Variants in SLC24A2 observed in about 807,000 individuals in gnomAD.
SLC24A2 encodes the protein solute carrier family 24 member 2.
In SLC24A2, 36 loss-of-function variants were observed where a neutral mutation model predicts 62.0. That is an observed-to-expected ratio of 0.58 (90% CI 0.44 to 0.77). SLC24A2 has a LOEUF of 0.77. SLC24A2 is among the 30% of genes least tolerant of loss of function. The pLI is 0.00. For synonymous variants in SLC24A2, 358 were observed against 294.0 expected (o/e 1.22, Z -2.23); for missense variants, 846 against 817.9 (o/e 1.03, Z -0.42).
the SLC24A2 span, among the ~76,000 whole-genome samples, chr9:19,979,219 C>T: frequency 1.3e-5 from 2 of 152,164 alleles, no homozygotes; most frequent in African/African-American, 4.8e-5. Context: ...CTTTCATGTG[C>T]ATATACATCA....
intron 10 of SLC24A2, among the ~76,000 whole-genome samples, chr9:19,517,951 A>ACACACACT (rs1209460607): frequency 6.8e-6 from 1 of 147,184 alleles, no homozygotes; most frequent in African/African-American, 2.6e-5. Context: ...ACACACACAC[A>ACACACACT]CACACACTCT....
At chr9:20,206,307 A>T in the SLC24A2 span, among the ~76,000 whole-genome samples, 1 of 152,236 alleles carries the variant, frequency 6.6e-6, no homozygotes, top group Admixed American at 6.5e-5. Context: ...AGAGCATATT[A>T]CAGGAGAGTG....
At chr9:20,094,439 T>G in the SLC24A2 span, among the ~76,000 whole-genome samples, 2 of 152,222 alleles carry the variant, frequency 1.3e-5, no homozygotes, top group Non-Finnish European at 1.5e-5. Flanking sequence ...CGATAAAATT[T>G]AAGCTCCCAT....
intron 2 of SLC24A2, among the ~76,000 whole-genome samples, chr9:19,681,031 C>A (rs1195595829): frequency 6.6e-6 from 1 of 152,044 alleles, no homozygotes; most frequent in Admixed American, 6.6e-5. Context: ...CAGAGTGACC[C>A]TGCACAAAAT....
chr9:20,296,409 G>A, the SLC24A2 span, among the ~76,000 whole-genome samples: 2 of 152,150 alleles, frequency 1.3e-5, no homozygotes, highest in South Asian at 4.1e-4. Context: ...AAGACTTTTA[G>A]AGAGCTCTAA....
At chr9:20,125,450 T>A in the SLC24A2 span, among the ~76,000 whole-genome samples, 2 of 152,190 alleles carry the variant, frequency 1.3e-5, no homozygotes, top group African/African-American at 4.8e-5. Flanking sequence ...AGTCTTATAG[T>A]CAGTAAATAC....
chr9:19,784,955 C>T (rs1387303461), intron 2 of SLC24A2, among the ~76,000 whole-genome samples: 1 of 151,396 alleles, frequency 6.6e-6, no homozygotes, highest in Non-Finnish European at 1.5e-5. Context: ...AATCTTTCAC[C>T]CCCTGCTCAA....
the SLC24A2 span, among the ~76,000 whole-genome samples, chr9:19,970,762 A>G: frequency 1.8e-4 from 28 of 152,304 alleles, no homozygotes; most frequent in African/African-American, 6.7e-4. Context: ...TTAGTAGGAG[A>G]AAAAAAGTAT....
chr9:19,857,962 A>G, the SLC24A2 span, among the ~76,000 whole-genome samples: 1 of 152,196 alleles, frequency 6.6e-6, no homozygotes, highest in Non-Finnish European at 1.5e-5. Flanking sequence ...TATTCCTATC[A>G]AACTACTAAT....
At chr9:19,516,703 T>C (rs1832945346) in intron 10 of SLC24A2, among the ~76,000 whole-genome samples, 1 of 152,226 alleles carries the variant, frequency 6.6e-6, no homozygotes. Context: ...GAAATTATTT[T>C]GTTTCCTTCC....
the SLC24A2 span, among the ~76,000 whole-genome samples, chr9:20,085,486 C>A: frequency 6.6e-6 from 1 of 152,288 alleles, no homozygotes; most frequent in East Asian, 1.9e-4. Flanking sequence ...CTCAATTGTT[C>A]ATTATTTCTA....
intron 8 of SLC24A2, among the ~76,000 whole-genome samples, chr9:19,547,194 C>A (rs73426210): frequency 0.089 from 13,566 of 152,148 alleles, 1,942 homozygotes; most frequent in African/African-American, 0.31. Flanking sequence ...AGTGTTCTTC[C>A]TAAGAGTCTT....
chr9:20,028,295 CCT>C, the SLC24A2 span, among the ~76,000 whole-genome samples: 2 of 152,166 alleles, frequency 1.3e-5, no homozygotes, highest in South Asian at 2.1e-4. Context: ...TTGCTTGTCT[CCT>C]CTGTTACATT....
the SLC24A2 span, among the ~76,000 whole-genome samples, chr9:20,141,097 G>A: frequency 1.1e-4 from 17 of 152,158 alleles, no homozygotes; most frequent in Admixed American, 7.8e-4. Flanking sequence ...TGCCTGATCC[G>A]CCCACCATGT....
the SLC24A2 span, among the ~76,000 whole-genome samples, chr9:20,190,614 C>T: frequency 6.6e-6 from 1 of 152,062 alleles, no homozygotes. Context: ...ATAATTTCTC[C>T]CAGCATCATA....
chr9:19,990,518 G>A, the SLC24A2 span, among the ~76,000 whole-genome samples: 4 of 151,716 alleles, frequency 2.6e-5, no homozygotes, highest in East Asian at 7.8e-4. Context: ...GGATGAGGCA[G>A]GGGAATCACT....
At chr9:19,701,855 T>C (rs902235451) in intron 2 of SLC24A2, among the ~76,000 whole-genome samples, 1 of 152,202 alleles carries the variant, frequency 6.6e-6, no homozygotes, top group African/African-American at 2.4e-5. Context: ...CCATTTGATC[T>C]AATCCATCTA....
intron 9 of SLC24A2, among the ~76,000 whole-genome samples, chr9:19,526,017 C>T (rs1833433235): frequency 6.6e-6 from 1 of 152,142 alleles, no homozygotes; most frequent in South Asian, 2.1e-4. Flanking sequence ...CCCAACCTCT[C>T]CAATCCTAGG....
the SLC24A2 span, among the ~76,000 whole-genome samples, chr9:20,097,009 T>A: frequency 1.3e-5 from 2 of 152,242 alleles, no homozygotes; most frequent in Non-Finnish European, 2.9e-5. Flanking sequence ...AAGAAGTAAC[T>A]TCTCTTTTCC....
Sources: allele counts gnomAD v4.1 joint callset (sites outside exome capture counted in the v4.1 genomes callset), GRCh38; gene constraint gnomAD v4.1.1; transcripts MANE v1.5; gene names NCBI Gene and HGNC (gene_info 2026-07-23, HGNC 2026-07-21).